The following MEGF11 variants were observed in gnomAD, a reference collection of about 807,000 sequenced individuals.
MEGF11 encodes the protein multiple EGF like domains 11.
Under a neutral mutation model 146.6 loss-of-function variants are expected in MEGF11, and 126 were observed. The ratio of observed to expected loss-of-function variants is 0.86; its 90% CI spans 0.74 to 1.00. The LOEUF is 1.00. MEGF11 is among the 50% of genes least tolerant of loss of function. The pLI, the probability that MEGF11 is intolerant of heterozygous loss-of-function variation, is 0.00. For missense variants in MEGF11, 1,509 were observed against 1,521.2 expected, an observed-to-expected ratio of 0.99 and a Z score of 0.13; for synonymous variants, 532 against 583.4, an observed-to-expected ratio of 0.91 and a Z score of 1.27.
At chr15:66,088,244 C>T (rs2086189728) in intron 5 of MEGF11, among the ~76,000 whole-genome samples, 1 of 152,198 alleles carries the variant, frequency 6.6e-6, no homozygotes, top group Non-Finnish European at 1.5e-5. Flanking sequence ...TTCTACTAGA[C>T]ACTCAAAGAA....
intron 20 of MEGF11, among the ~76,000 whole-genome samples, chr15:65,912,832 C>T (rs2141198832): frequency 6.6e-6 from 1 of 152,280 alleles, no homozygotes; most frequent in Non-Finnish European, 1.5e-5. Context: ...TGAAGCTGGA[C>T]ATACAGAAGG....
chr15:66,069,422 A>G (rs1362427752), intron 5 of MEGF11, among the ~76,000 whole-genome samples: 1 of 152,250 alleles, frequency 6.6e-6, no homozygotes, highest in Non-Finnish European at 1.5e-5. Flanking sequence ...TTGTCAAGGC[A>G]CCGTCTAAGT....
At chr15:66,182,874 C>T (rs550420209) in intron 1 of MEGF11, among the ~76,000 whole-genome samples, 24 of 152,208 alleles carry the variant, frequency 1.6e-4, no homozygotes, top group Admixed American at 5.9e-4. Flanking sequence ...GGGATGAAGC[C>T]GTTTATGGTG....
intron 5 of MEGF11, among the ~76,000 whole-genome samples, chr15:65,989,581 C>T (rs2081969909): frequency 6.6e-6 from 1 of 152,242 alleles, no homozygotes; most frequent in Admixed American, 6.5e-5. Context: ...AATAAAGTGA[C>T]TTCCCAGTGA....
At chr15:66,186,114 C>T (rs902998347) in intron 1 of MEGF11, among the ~76,000 whole-genome samples, 1 of 152,152 alleles carries the variant, frequency 6.6e-6, no homozygotes, top group African/African-American at 2.4e-5. Flanking sequence ...TGCCCATGAG[C>T]CCCAGACCCA....
At chr15:65,908,742 G>A (rs995111680) in intron 23 of MEGF11, among the ~76,000 whole-genome samples, 1 of 152,202 alleles carries the variant, frequency 6.6e-6, no homozygotes, top group Non-Finnish European at 1.5e-5. Context: ...GTGTAGGATT[G>A]TATTTTGTGG....
chr15:65,973,771 T>C (rs1298685500), intron 7 of MEGF11, among the ~76,000 whole-genome samples: 1 of 152,186 alleles, frequency 6.6e-6, no homozygotes, highest in African/African-American at 2.4e-5. Context: ...ATTCAATGAC[T>C]GTCTAAGATG....
chr15:65,978,258 G>T (rs1025262814), intron 7 of MEGF11, among the ~76,000 whole-genome samples: 6 of 152,210 alleles, frequency 3.9e-5, no homozygotes, highest in Non-Finnish European at 8.8e-5. Flanking sequence ...CTTCTCCCCA[G>T]TATCCATTCC....
chr15:66,095,428 T>A lies in MEGF11; in HGVS notation c.302-934A>T, dbSNP rs76867999. Among the ~76,000 whole-genome samples, 3 of 152,224 alleles carry A rather than the reference T, an allele frequency of 2.0e-5. No homozygotes were observed. The East Asian group carries it at 5.8e-4, about 29-fold the overall frequency. On this transcript the variant is annotated intron_variant, in intron 4 of 25. Coordinates refer to ENST00000395614, the MANE Select transcript of MEGF11 (RefSeq NM_001385028.1). ...AACCCTGTCAATTCCTTAGACCAGATCTAGATGGTTTTTTGTTTTGTTTTG... is the reference window on the plus strand; with the variant it reads ...AACCCTGTCAATTCCTTAGACCAGAACTAGATGGTTTTTTGTTTTGTTTTG...
chr15:66,053,178 T>C (rs2084522236), intron 5 of MEGF11, among the ~76,000 whole-genome samples: 1 of 152,198 alleles, frequency 6.6e-6, no homozygotes, highest in Non-Finnish European at 1.5e-5. Flanking sequence ...TTCACTACTT[T>C]CACTGGATTA....
intron 4 of MEGF11, among the ~76,000 whole-genome samples, chr15:66,105,800 C>T (rs1203415324): frequency 6.6e-6 from 1 of 152,146 alleles, no homozygotes; most frequent in Non-Finnish European, 1.5e-5. Flanking sequence ...GATTTCCTAT[C>T]AGGCCTCCGC....
chr15:66,094,640 G>A, intron 4 of MEGF11, 146 bp from the exon 5 acceptor site: 1 of 633,548 alleles, frequency 1.6e-6, no homozygotes, highest in Non-Finnish European at 2.8e-6. Context: ...GGAAAATCAA[G>A]CTACACCTGA....
At chr15:65,968,669 C>T (rs934653160) in intron 8 of MEGF11, among the ~76,000 whole-genome samples, 4 of 152,118 alleles carry the variant, frequency 2.6e-5, no homozygotes, top group East Asian at 1.9e-4. Context: ...ATGGGGCCTG[C>T]GGAACAGAAG....
intron 1 of MEGF11, among the ~76,000 whole-genome samples, chr15:66,211,448 C>T (rs1027034865): frequency 6.6e-6 from 1 of 151,156 alleles, no homozygotes; most frequent in Admixed American, 6.6e-5. Context: ...GGCGTGAACC[C>T]GGGAGGGGGA....
At chr15:66,155,258 C>T (rs541511704) in intron 1 of MEGF11, among the ~76,000 whole-genome samples, 3 of 152,238 alleles carry the variant, frequency 2.0e-5, no homozygotes, top group South Asian at 2.1e-4. Context: ...GGTGATGCCC[C>T]CCACCCCCCG....
At chr15:66,079,537 A>AC (rs56067269) in intron 5 of MEGF11, among the ~76,000 whole-genome samples, 1,305 of 121,650 alleles carry the variant, frequency 0.011, 29 homozygotes, top group East Asian at 0.038. Context: ...CTTCATTCAC[A>AC]CCCCCCCCCC....
At chr15:65,952,951 A>G (rs1247473353) in intron 10 of MEGF11, among the ~76,000 whole-genome samples, 1 of 152,088 alleles carries the variant, frequency 6.6e-6, no homozygotes, top group Non-Finnish European at 1.5e-5. Flanking sequence ...CATTTCCCCA[A>G]ATGTTGAGAG....
chr15:66,247,431 CAGG>C (rs534810501), intron 1 of MEGF11, among the ~76,000 whole-genome samples: 59 of 152,336 alleles, frequency 3.9e-4, no homozygotes, highest in Non-Finnish European at 7.3e-4. Context: ...AACTGAGGCA[CAGG>C]AGGTGAAAAA....
chr15:66,236,938 T>A (rs1460593101), intron 1 of MEGF11, among the ~76,000 whole-genome samples: 1 of 152,124 alleles, frequency 6.6e-6, no homozygotes, highest in African/African-American at 2.4e-5. Flanking sequence ...TTCACCTCAA[T>A]CATTCTCAGG....
Sources: gnomAD v4.1 joint callset for allele counts (sites outside exome capture counted in the v4.1 genomes callset) on GRCh38, gnomAD v4.1.1 for gene constraint, MANE v1.5 for transcripts, NCBI Gene and HGNC (gene_info 2026-07-23, HGNC 2026-07-21) for gene names.